Variants in WNK2 observed in about 807,000 individuals in gnomAD.
WNK2 encodes the protein WNK lysine deficient protein kinase 2, also known as serine/threonine-protein kinase WNK2.
A neutral mutation model predicts 192.1 loss-of-function variants in WNK2; 67 were observed. That is an observed-to-expected ratio of 0.35 (90% CI 0.29 to 0.43). WNK2 has a LOEUF of 0.43. Ranked by LOEUF, WNK2 falls within the 20% of genes least tolerant of loss-of-function variation. The pLI, the probability that WNK2 is intolerant of heterozygous loss-of-function variation, is 1.00. For synonymous variants in WNK2, 1,439 were observed against 1,393.9 expected (o/e 1.03, Z -0.72); for missense variants, 2,698 against 3,089.7 (o/e 0.87, Z 3.01).
intron 26 of WNK2, among the ~76,000 whole-genome samples, chr9:93,305,226 TG>T (rs1242124327): frequency 6.6e-6 from 1 of 152,222 alleles, no homozygotes; most frequent in Non-Finnish European, 1.5e-5. Context: ...CATGGGACCA[TG>T]GGCCACAGCC....
In WNK2 at chr9:93,185,189, A is replaced by G. The variant is rs756744238; in HGVS notation, c.260A>G (p.Glu87Gly). 145 of 1,177,672 alleles carry G rather than the reference A, an allele frequency of 1.2e-4. No homozygotes were observed. The highest frequency in any genetic ancestry group is 6.9e-4 in the Middle Eastern group (2 of 2,910). The allele number at this position is 1,177,672 out of a possible 1,614,324, so 73.0% of individuals were successfully genotyped here. ...LLCKTRRLIA[E>G]RARGRPAAPA... Reference sequence around the variant, plus strand: ...TGCAAGACGCGCCGCCTCATCGCGGAGCGCGCCCGCGGACGCCCCGCCGCC... The same window carrying G: ...TGCAAGACGCGCCGCCTCATCGCGGGGCGCGCCCGCGGACGCCCCGCCGCC... Residue 87 changes from glutamate (E) to glycine (G), a missense_variant, in exon 2 of 30, where the codon GAG becomes GGG. This residue lies in a region of WNK2 where 260 missense variants were observed against 285.6 expected (regional missense o/e 0.91). Transcript: ENST00000427277.
At position 93,292,570 on chromosome 9, in the gene WNK2, A is replaced by C; in HGVS notation, c.5105A>C (p.Glu1702Ala). ...GGAGAAGCTGGAGAAAGCTCGGCAGAGCCCCCGCCGAGTGACATGGGCACA... is the reference window on the plus strand; with the variant it reads ...GGAGAAGCTGGAGAAAGCTCGGCAGCGCCCCCGCCGAGTGACATGGGCACA... ...DGGEAGESSA[E>A]PPPSDMGTVG... is the part of the protein sequence containing the mutation. Residue 1702 changes from glutamate (E) to alanine (A), a missense_variant, in exon 23 of 30, where the codon GAG becomes GCG. Glu to Ala is a moderately radical substitution (Grantham distance 107). Around this residue, in one of 7 missense-constraint regions of WNK2, gnomAD observed 1,098 missense variants for 1,101.0 expected, o/e 1.00. Transcript: ENST00000427277. The C allele has an allele frequency of 3.8e-6, 6 of 1,567,388 alleles. No individual in the cohort carries two copies. The highest frequency in any genetic ancestry group is 5.2e-6 in the Non-Finnish European group (6 of 1,154,810).
At position 93,293,086 on chromosome 9, in the gene WNK2, A is replaced by G. The variant is rs1472673260; in HGVS notation, c.5621A>G (p.His1874Arg). Residue 1874 changes from histidine (H) to arginine (R), a missense_variant, in exon 23 of 30, where the codon CAT becomes CGT. Physicochemically the swap from His to Arg is conservative, Grantham distance 29. Around this residue, in one of 7 missense-constraint regions of WNK2, gnomAD observed 1,098 missense variants for 1,101.0 expected, o/e 1.00. Transcript: ENST00000427277. The part of the protein sequence containing the change: ...KVPTISVTSF[H>R]SQSSYISSDN... Reference sequence around the variant, plus strand: ...CCCACGATCAGCGTGACCTCCTTCCATTCCCAGTCGTCCTACATCAGCAGC... The same window carrying G: ...CCCACGATCAGCGTGACCTCCTTCCGTTCCCAGTCGTCCTACATCAGCAGC... 5 of 1,608,076 alleles carry G rather than the reference A, an allele frequency of 3.1e-6. No individual in the cohort carries two copies. Among genetic ancestry groups the G allele is most frequent in the Admixed American group, 1.7e-5 (1 of 58,974 alleles).
intron 26 of WNK2, among the ~76,000 whole-genome samples, chr9:93,304,430 G>A (rs868682381): frequency 2.0e-5 from 3 of 152,392 alleles, no homozygotes; most frequent in Non-Finnish European, 1.5e-5. Flanking sequence ...CTGGGATGAG[G>A]CTGCCAAGCC....
Position 93,288,951 on chromosome 9 carries a change from A to C in WNK2, c.4197A>C (p.Ala1399=). ...TGACTGCTCTGCCCCAAGATGGAGC[A>C]GCTCCAGCCACCAGCACCATGCCAG... The part of the protein sequence containing the change: ...PPVTALPQDG[A]APATSTMPEP... Residue 1399 remains alanine, a synonymous_variant, in exon 20 of 30, where the codon GCA becomes GCC. Coordinates refer to ENST00000427277, the MANE Select transcript of WNK2 (RefSeq NM_006648.4). The C allele has an allele frequency of 6.2e-7, 1 of 1,604,950 alleles. No individual in the cohort carries two copies. Among genetic ancestry groups the C allele is most frequent in the Middle Eastern group, 1.7e-4 (1 of 6,034 alleles).
intron 10 of WNK2, 157 bp downstream of exon 10, chr9:93,256,611 T>C: frequency 1.1e-6 from 1 of 886,168 alleles, no homozygotes; most frequent in East Asian, 2.8e-5. Flanking sequence ...TGGGAGTGAC[T>C]CTCGTATGTG....
intron 28 of WNK2, 131 bp from the exon 29 acceptor site, chr9:93,317,389 G>A: frequency 2.6e-6 from 2 of 778,814 alleles, no homozygotes; most frequent in Non-Finnish European, 4.2e-6. Flanking sequence ...CTGAGAGGGT[G>A]CCTGTCACAG....
intron 21 of WNK2, among the ~76,000 whole-genome samples, chr9:93,290,349 A>AT: frequency 6.7e-6 from 1 of 150,000 alleles, no homozygotes; most frequent in African/African-American, 2.5e-5. Context: ...TTTTTTTTCA[A>AT]TTTTTTAAAG....
At chr9:93,214,899 T>A (rs1368790898) in intron 2 of WNK2, among the ~76,000 whole-genome samples, 1 of 151,554 alleles carries the variant, frequency 6.6e-6, no homozygotes, top group Non-Finnish European at 1.5e-5. Flanking sequence ...ATTATTATTT[T>A]AGAGATGAGG....
At chr9:93,270,335 G>T (rs189962361) in intron 19 of WNK2, among the ~76,000 whole-genome samples, 1 of 152,230 alleles carries the variant, frequency 6.6e-6, no homozygotes. Context: ...GACCAATTTT[G>T]TGAATACAAT....
At chr9:93,190,212 G>T (rs568626346) in intron 2 of WNK2, among the ~76,000 whole-genome samples, 1 of 152,154 alleles carries the variant, frequency 6.6e-6, no homozygotes, top group African/African-American at 2.4e-5. Context: ...CCCTCCCACC[G>T]GGGCAGAAAT....
At chr9:93,231,946 G>A (rs1446560808) in intron 4 of WNK2, among the ~76,000 whole-genome samples, 6 of 152,216 alleles carry the variant, frequency 3.9e-5, no homozygotes, top group African/African-American at 1.2e-4. Context: ...GAATGCCTGG[G>A]TGGCTGTGGA....
At chr9:93,294,699 C>G (rs1374495926) in intron 23 of WNK2, among the ~76,000 whole-genome samples, 1 of 151,982 alleles carries the variant, frequency 6.6e-6, no homozygotes, top group Non-Finnish European at 1.5e-5. Context: ...GGCCAGGAGC[C>G]AGAGACAGAG....
chr9:93,275,542 A>G (rs1299786217), intron 19 of WNK2, among the ~76,000 whole-genome samples: 2 of 152,256 alleles, frequency 1.3e-5, no homozygotes, highest in Non-Finnish European at 2.9e-5. Context: ...CCTAAGATTG[A>G]GAAACAAGGC....
At chr9:93,188,610 C>T (rs922415510) in intron 2 of WNK2, among the ~76,000 whole-genome samples, 61 of 152,186 alleles carry the variant, frequency 4.0e-4, no homozygotes, top group Non-Finnish European at 1.8e-4. Flanking sequence ...AGAATCCCAC[C>T]GCCTTCCTCC....
rs959824895 is a variant in WNK2 at position 93,319,361 on chromosome 9, G to A, written c.6629-1006G>A. ...GCTGAGGGGCTGCGGGTGCTGGGCT[G>A]GGCTGTCCCCGGCAGGGGTCTGAGA... On this transcript the variant is annotated intron_variant, in intron 29 of 29. Transcript: ENST00000427277. The A allele has an allele frequency of 2.1e-5, 21 of 985,352 alleles. No individual in the cohort carries two copies. The African/African-American group carries it at 3.5e-4, about 16-fold the overall frequency. The allele number at this position is 985,352 out of a possible 1,614,324, so 61.0% of individuals were successfully genotyped here.
intron 19 of WNK2, among the ~76,000 whole-genome samples, chr9:93,272,079 T>G (rs1316360672): frequency 6.6e-6 from 1 of 152,112 alleles, no homozygotes; most frequent in Non-Finnish European, 1.5e-5. Flanking sequence ...TAAAGAAAAC[T>G]AAGGGAATTC....
intron 16 of WNK2, 102 bp from the exon 17 acceptor site, chr9:93,267,644 C>A: frequency 7.4e-7 from 1 of 1,346,646 alleles, no homozygotes; most frequent in Non-Finnish European, 1.0e-6. Flanking sequence ...ACCATTCTTC[C>A]CTTGGGGCCT....
intron 23 of WNK2, among the ~76,000 whole-genome samples, chr9:93,296,211 ACCTTCCTCCCCTTT>A (rs1403011060): frequency 4.3e-5 from 1 of 23,028 alleles, no homozygotes; most frequent in African/African-American, 2.0e-4. Flanking sequence ...TCCTTCCCTC[ACCTTCCTCCCCTTT>A]CCATCCTCCC....
Sources: gnomAD v4.1 joint callset for allele counts (sites outside exome capture counted in the v4.1 genomes callset) on GRCh38, gnomAD v4.1.1 for gene constraint, gnomAD v4.1.1 regional missense constraint, MANE v1.5 for transcripts, NCBI Gene and HGNC (gene_info 2026-07-23, HGNC 2026-07-21) for gene names.